Variants in CNTNAP5 observed in about 807,000 individuals in gnomAD.
CNTNAP5 encodes contactin-associated protein-like 5.
In CNTNAP5, 72 loss-of-function variants were observed where a neutral mutation model predicts 150.2. The observed-to-expected ratio is 0.48, with a 90% confidence interval of 0.40 to 0.58. CNTNAP5 has a LOEUF of 0.58. Ranked by LOEUF, CNTNAP5 falls within the 20% of genes least tolerant of loss-of-function variation. The pLI, the probability that CNTNAP5 is intolerant of heterozygous loss-of-function variation, is 0.00. For missense variants in CNTNAP5, 1,636 were observed against 1,626.2 expected, an observed-to-expected ratio of 1.01 and a Z score of -0.10; for synonymous variants, 672 against 619.8, an observed-to-expected ratio of 1.08 and a Z score of -1.25.
intron 5 of CNTNAP5, among the ~76,000 whole-genome samples, chr2:124,443,607 A>C (rs1282765770): frequency 1.3e-5 from 2 of 152,090 alleles, no homozygotes; most frequent in Non-Finnish European, 2.9e-5. Flanking sequence ...GTGTTTTACT[A>C]TACCCAAAGT....
chr2:124,451,981 G>T (rs960675712), intron 6 of CNTNAP5, among the ~76,000 whole-genome samples: 2 of 152,112 alleles, frequency 1.3e-5, no homozygotes, highest in Non-Finnish European at 2.9e-5. Flanking sequence ...AAAGGCCATA[G>T]GGAGAAGGAA....
chr2:124,857,204 T>C (rs1360956101), intron 19 of CNTNAP5, among the ~76,000 whole-genome samples: 5 of 152,120 alleles, frequency 3.3e-5, no homozygotes, highest in Admixed American at 3.3e-4. Context: ...CTCTACATTT[T>C]TTTTTCTTTT....
chr2:124,194,052 G>A (rs961843532), intron 1 of CNTNAP5, among the ~76,000 whole-genome samples: 34 of 152,172 alleles, frequency 2.2e-4, no homozygotes, highest in African/African-American at 7.9e-4. Flanking sequence ...CCTGTTCGCT[G>A]CACACAGCTC....
At chr2:124,660,623 C>G (rs1678567831) in intron 13 of CNTNAP5, among the ~76,000 whole-genome samples, 2 of 144,986 alleles carry the variant, frequency 1.4e-5, no homozygotes, top group African/African-American at 4.9e-5. Flanking sequence ...TTTTTTATAC[C>G]AAATCTTCAA....
At chr2:124,737,618 T>C (rs1267226394) in intron 13 of CNTNAP5, among the ~76,000 whole-genome samples, 1 of 152,184 alleles carries the variant, frequency 6.6e-6, no homozygotes, top group African/African-American at 2.4e-5. Context: ...AATAGGGAAC[T>C]ATTGGGAAAT....
At chr2:124,251,456 C>T (rs1297548077) in intron 3 of CNTNAP5, among the ~76,000 whole-genome samples, 4 of 125,906 alleles carry the variant, frequency 3.2e-5, no homozygotes, top group African/African-American at 9.0e-5. Context: ...TCAACTTGAA[C>T]GCTGTGGGTG....
chr2:124,311,892 T>C lies in CNTNAP5; in HGVS notation c.381+69499T>C, dbSNP rs78243659. Among the ~76,000 whole-genome samples the C allele has an allele frequency of 6.7e-3, 1,022 of 152,300 alleles. 8 individuals are homozygous for C. The highest frequency in any genetic ancestry group is 0.03 in the East Asian group (154 of 5,192). ...ACTTAAAAAAATTAGAGCAATAGCATATTACAGATATGATCATACAAACTG... is the reference window on the plus strand; with the variant it reads ...ACTTAAAAAAATTAGAGCAATAGCACATTACAGATATGATCATACAAACTG... On this transcript the variant is annotated intron_variant, in intron 3 of 23. Coordinates refer to ENST00000682447, the MANE Select transcript of CNTNAP5 (RefSeq NM_001367498.1).
At chr2:124,733,571 C>A (rs1209899996) in intron 13 of CNTNAP5, among the ~76,000 whole-genome samples, 1 of 151,682 alleles carries the variant, frequency 6.6e-6, no homozygotes, top group Non-Finnish European at 1.5e-5. Flanking sequence ...AGAGTAACAA[C>A]CCAATTTGAT....
At chr2:124,455,557 G>A (rs1205580390) in intron 6 of CNTNAP5, among the ~76,000 whole-genome samples, 1 of 151,952 alleles carries the variant, frequency 6.6e-6, no homozygotes, top group African/African-American at 2.4e-5. Context: ...CCCTCCCTAA[G>A]TCATTCTATG....
chr2:124,117,862 T>C (rs1405491163), intron 1 of CNTNAP5, among the ~76,000 whole-genome samples: 2 of 152,136 alleles, frequency 1.3e-5, no homozygotes, highest in African/African-American at 2.4e-5. Context: ...AGTGGGAGGA[T>C]TGCTTGAGCC....
intron 20 of CNTNAP5, 144 bp from the exon 21 acceptor site, chr2:124,869,531 C>A: frequency 1.8e-6 from 1 of 564,494 alleles, no homozygotes; most frequent in Admixed American, 2.9e-5. Flanking sequence ...TTAGCGAGAC[C>A]TGTCTAATCT....
chr2:124,889,389 C>A (rs746390439), intron 21 of CNTNAP5, among the ~76,000 whole-genome samples: 1 of 151,940 alleles, frequency 6.6e-6, no homozygotes, highest in Non-Finnish European at 1.5e-5. Flanking sequence ...CCACACCCAG[C>A]CTTACATTTA....
At position 124,673,888 on chromosome 2, in the gene CNTNAP5, C is replaced by T. The variant is rs745598379; in HGVS notation, c.2077+25930C>T. 7.9e-5 allele frequency among the ~76,000 whole-genome samples: 12 copies of T among 151,868 alleles called. 1 individual carries two copies. In the South Asian group the frequency reaches 1.0e-3, roughly 13 times the overall value. On this transcript the variant is annotated intron_variant, in intron 13 of 23. Coordinates refer to ENST00000682447, the MANE Select transcript of CNTNAP5 (RefSeq NM_001367498.1). The stretch of plus-strand genomic sequence containing the variant: ...TATATTTAATAAGACATTAAATGTA[C>T]TCACAAAAATGTATAATTTACTGTT...
At chr2:124,625,433 A>G (rs6715176) in intron 12 of CNTNAP5, among the ~76,000 whole-genome samples, 12,498 of 152,272 alleles carry the variant, frequency 0.082, 674 homozygotes, top group African/African-American at 0.15. Flanking sequence ...ATAGCATAGT[A>G]TACTTACTAC....
chr2:124,041,858 CATAT>C (rs10565274), intron 1 of CNTNAP5, among the ~76,000 whole-genome samples: 4 of 150,632 alleles, frequency 2.7e-5, no homozygotes, highest in African/African-American at 7.3e-5. Context: ...TGTCAAATTA[CATAT>C]ATATATATAT....
At chr2:124,735,792 G>A (rs1680369590) in intron 13 of CNTNAP5, among the ~76,000 whole-genome samples, 1 of 152,078 alleles carries the variant, frequency 6.6e-6, no homozygotes, top group Admixed American at 6.5e-5. Context: ...TTTTTTATCT[G>A]TAAGATGAGA....
At chr2:124,899,331 T>C (rs1678370010) in intron 21 of CNTNAP5, among the ~76,000 whole-genome samples, 2 of 151,490 alleles carry the variant, frequency 1.3e-5, no homozygotes, top group Non-Finnish European at 2.9e-5. Flanking sequence ...TATGGGCAAG[T>C]TCATGATTCA....
chr2:124,689,065 C>T (rs1679250037), intron 13 of CNTNAP5, among the ~76,000 whole-genome samples: 1 of 152,090 alleles, frequency 6.6e-6, no homozygotes, highest in African/African-American at 2.4e-5. Flanking sequence ...CTGCCATTCT[C>T]CTGCTTCAGA....
intron 1 of CNTNAP5, among the ~76,000 whole-genome samples, chr2:124,217,555 G>A (rs1011734837): frequency 2.0e-5 from 3 of 152,190 alleles, no homozygotes; most frequent in Non-Finnish European, 4.4e-5. Context: ...AAGGCGCAAT[G>A]TCATCTTTAT....
Sources: allele counts gnomAD v4.1 joint callset (sites outside exome capture counted in the v4.1 genomes callset), GRCh38; gene constraint gnomAD v4.1.1; transcripts MANE v1.5; gene names NCBI Gene and HGNC (gene_info 2026-07-23, HGNC 2026-07-21).